TWSG1: variants seen among roughly 807,000 people sequenced by gnomAD.
TWSG1 encodes twisted gastrulation protein homolog 1.
Under a neutral mutation model 23.0 loss-of-function variants are expected in TWSG1, and 15 were observed. The observed-to-expected ratio is 0.65, with a 90% CI of 0.44 to 1.00. TWSG1 has a LOEUF of 1.00. Among genes scored for constraint, TWSG1 ranks in the 50% least tolerant of loss-of-function variants. The pLI is 0.00. For synonymous variants in TWSG1, 86 were observed against 92.8 expected, an observed-to-expected ratio of 0.93 and a Z score of 0.42; for missense variants, 242 against 278.7, an observed-to-expected ratio of 0.87 and a Z score of 0.94.
intron 2 of TWSG1, among the ~76,000 whole-genome samples, chr18:9,353,465 T>G (rs2040510998): frequency 6.6e-6 from 1 of 152,248 alleles, no homozygotes; most frequent in Non-Finnish European, 1.5e-5. Flanking sequence ...GTTTGCCAAA[T>G]TCTCTCTAAA....
intron 2 of TWSG1, among the ~76,000 whole-genome samples, chr18:9,348,989 C>A (rs1349717385): frequency 1.3e-5 from 2 of 152,116 alleles, no homozygotes; most frequent in Non-Finnish European, 2.9e-5. Flanking sequence ...CCTGCCACTC[C>A]TACAAGTTGC....
At chr18:9,358,747 G>A (rs1279694205) in intron 2 of TWSG1, among the ~76,000 whole-genome samples, 1 of 152,182 alleles carries the variant, frequency 6.6e-6, no homozygotes, top group African/African-American at 2.4e-5. Context: ...GAACACTATA[G>A]AAGCGATTCA....
chr18:9,392,501 G>T (rs1457964445), intron 3 of TWSG1, among the ~76,000 whole-genome samples: 1 of 152,206 alleles, frequency 6.6e-6, no homozygotes, highest in Non-Finnish European at 1.5e-5. Context: ...TGGCTGGTTT[G>T]ATCTATCCAG....
intron 4 of TWSG1, among the ~76,000 whole-genome samples, chr18:9,398,004 CAAAAAAAA>C (rs573745689): frequency 1.2e-5 from 1 of 84,738 alleles, no homozygotes; most frequent in South Asian, 4.2e-4. Context: ...AACTCCATCT[CAAAAAAAA>C]AAAAAAAAAA....
intron 2 of TWSG1, among the ~76,000 whole-genome samples, chr18:9,354,294 A>G (rs949636250): frequency 2.6e-5 from 4 of 152,330 alleles, no homozygotes; most frequent in African/African-American, 9.6e-5. Flanking sequence ...CACAGTGCCT[A>G]TAAGGGTTAA....
chr18:9,368,805 G>A (rs1363992046), intron 3 of TWSG1, among the ~76,000 whole-genome samples: 1 of 152,102 alleles, frequency 6.6e-6, no homozygotes, highest in Non-Finnish European at 1.5e-5. Context: ...AAAATTAGCT[G>A]GGCATGGTGG....
At position 9,396,282 on chromosome 18, in the gene TWSG1, A is replaced by G. The variant is rs376720221; in HGVS notation, c.226A>G (p.Met76Val). The change falls in exon 4 of 5, where the codon ATG becomes GTG. Residue 76 changes from methionine to valine, a missense_variant and splice_region_variant. Met to Val is a conservative substitution (Grantham distance 21). Transcript: ENST00000262120. ...LWDECCDCVG[M>V]CNPRNYSDTP... ...TTATGATATTACCCCCAACCCAGGTATGTGTAATCCTCGAAATTATAGTGA... is the reference window on the plus strand; with the variant it reads ...TTATGATATTACCCCCAACCCAGGTGTGTGTAATCCTCGAAATTATAGTGA... The G allele has an allele frequency of 3.7e-6, 6 of 1,613,814 alleles. No individual in the cohort carries two copies. The highest frequency in any genetic ancestry group is 2.7e-5 in the African/African-American group (2 of 74,894).
intron 3 of TWSG1, among the ~76,000 whole-genome samples, chr18:9,395,385 T>C (rs4798804): frequency 0.51 from 77,325 of 152,034 alleles, 20,278 homozygotes; most frequent in African/African-American, 0.63. Flanking sequence ...TAACAGTCAC[T>C]CATCAGACTT....
At chr18:9,388,774 G>T (rs1031066713) in intron 3 of TWSG1, among the ~76,000 whole-genome samples, 9 of 152,176 alleles carry the variant, frequency 5.9e-5, no homozygotes, top group African/African-American at 1.9e-4. Flanking sequence ...AGGCTGGCCT[G>T]GAACTTTTGG....
At chr18:9,358,873 G>C (rs534329582) in intron 2 of TWSG1, among the ~76,000 whole-genome samples, 1 of 152,054 alleles carries the variant, frequency 6.6e-6, no homozygotes, top group Non-Finnish European at 1.5e-5. Context: ...AATGTTTTTC[G>C]TATAAATATA....
intron 3 of TWSG1, among the ~76,000 whole-genome samples, chr18:9,371,126 A>T (rs2040603124): frequency 6.6e-6 from 1 of 152,002 alleles, no homozygotes; most frequent in Admixed American, 6.6e-5. Flanking sequence ...GATTGACCCT[A>T]TACTTTAAAA....
chr18:9,385,144 G>T (rs2040676265), intron 3 of TWSG1, among the ~76,000 whole-genome samples: 1 of 152,174 alleles, frequency 6.6e-6, no homozygotes, highest in Non-Finnish European at 1.5e-5. Context: ...TAGAACAGCT[G>T]TATGATTTGA....
At chr18:9,383,183 G>A (rs903679601) in intron 3 of TWSG1, among the ~76,000 whole-genome samples, 8 of 75,332 alleles carry the variant, frequency 1.1e-4, no homozygotes, top group Admixed American at 1.9e-4. Flanking sequence ...CGAATTACAC[G>A]TTTTTTTTTT....
At chr18:9,341,312 TAAAG>T (rs1345670410) in intron 2 of TWSG1, among the ~76,000 whole-genome samples, 2 of 152,224 alleles carry the variant, frequency 1.3e-5, no homozygotes, top group Non-Finnish European at 2.9e-5. Context: ...TAGGCAGTTT[TAAAG>T]AAAGAAACCA....
At chr18:9,343,340 TG>T (rs1461664667) in intron 2 of TWSG1, among the ~76,000 whole-genome samples, 1 of 150,426 alleles carries the variant, frequency 6.6e-6, no homozygotes, top group Non-Finnish European at 1.5e-5. Flanking sequence ...TTATGTATAG[TG>T]TCCTCTTTTC....
At chr18:9,356,971 T>TAAAAAAAAAAAAAAAAAAAAAAAAAAAAA (rs34315660) in intron 2 of TWSG1, among the ~76,000 whole-genome samples, 1 of 122,342 alleles carries the variant, frequency 8.2e-6, no homozygotes. Flanking sequence ...TTTATAAATC[T>TAAAAAAAAAAAAAAAAAAAAAAAAAAAAA]AAAAAAAAAA....
At chr18:9,368,288 G>A (rs751355510) in intron 3 of TWSG1, among the ~76,000 whole-genome samples, 5 of 152,024 alleles carry the variant, frequency 3.3e-5, no homozygotes, top group Non-Finnish European at 5.9e-5. Context: ...TGCAACCTCC[G>A]CCTCCTGGAT....
At chr18:9,355,215 C>T (rs1478573855) in intron 2 of TWSG1, among the ~76,000 whole-genome samples, 1 of 152,180 alleles carries the variant, frequency 6.6e-6, no homozygotes, top group Non-Finnish European at 1.5e-5. Flanking sequence ...CTTGGCCTCC[C>T]AAAGTGCTGG....
At chr18:9,395,976 C>G (rs888373432) in intron 3 of TWSG1, among the ~76,000 whole-genome samples, 35 of 152,214 alleles carry the variant, frequency 2.3e-4, no homozygotes, top group African/African-American at 7.2e-4. Context: ...TCCTTACTTT[C>G]TGGCACAAAT....
Sources: gnomAD v4.1 joint callset for allele counts (sites outside exome capture counted in the v4.1 genomes callset) on GRCh38, gnomAD v4.1.1 for gene constraint, MANE v1.5 for transcripts, NCBI Gene and HGNC (gene_info 2026-07-23, HGNC 2026-07-21) for gene names.